Variants in NDRG3 observed in about 807,000 individuals in gnomAD.
NDRG3 encodes protein NDRG3.
A neutral mutation model predicts 57.2 loss-of-function variants in NDRG3; 23 were observed. That is an observed-to-expected ratio of 0.40 (90% CI 0.29 to 0.57). The LOEUF is 0.57. Among genes scored for constraint, NDRG3 ranks in the 20% least tolerant of loss-of-function variants. NDRG3 has a pLI of 0.42. For synonymous variants in NDRG3, 132 were observed against 162.6 expected, an observed-to-expected ratio of 0.81 and a Z score of 1.43; for missense variants, 384 against 457.3, an observed-to-expected ratio of 0.84 and a Z score of 1.46.
chr20:36,699,683 G>T (rs182893283), intron 3 of NDRG3, among the ~76,000 whole-genome samples: 1 of 151,902 alleles, frequency 6.6e-6, no homozygotes, highest in Admixed American at 6.6e-5. Context: ...GGTGGTGGTG[G>T]TGGTGGTAGG....
At chr20:36,728,908 G>A (rs1355351939) in intron 1 of NDRG3, among the ~76,000 whole-genome samples, 3 of 152,038 alleles carry the variant, frequency 2.0e-5, no homozygotes, top group Admixed American at 2.0e-4. Flanking sequence ...TTTTAGTAGA[G>A]ACAAGGTTTC....
chr20:36,733,152 A>AG, intron 1 of NDRG3, among the ~76,000 whole-genome samples: 1 of 37,562 alleles, frequency 2.7e-5, no homozygotes, highest in Non-Finnish European at 4.9e-5. Context: ...GTCTCAAAAA[A>AG]AAAAAAAAAA....
In NDRG3 at chr20:36,667,190, A is replaced by G. The variant is rs151247850; in HGVS notation, c.589-798T>C. On this transcript the variant is annotated intron_variant, in intron 9 of 15. Coordinates refer to ENST00000349004, the MANE Select transcript of NDRG3 (RefSeq NM_032013.4). ...CTATCTATATATACCACCATTTAATATTACACATTGTATAATTATATATTC... is the reference window on the plus strand; with the variant it reads ...CTATCTATATATACCACCATTTAATGTTACACATTGTATAATTATATATTC... Among the ~76,000 whole-genome samples, 291 of 152,304 alleles carry G rather than the reference A, an allele frequency of 1.9e-3. 2 individuals are homozygous for G. The highest frequency in any genetic ancestry group is 6.6e-3 in the African/African-American group (274 of 41,560).
At chr20:36,705,579 G>A (rs928984692) in intron 3 of NDRG3, among the ~76,000 whole-genome samples, 7 of 152,094 alleles carry the variant, frequency 4.6e-5, no homozygotes, top group African/African-American at 1.4e-4. Flanking sequence ...CTGGAAGCAA[G>A]GACGTTGCCA....
intron 2 of NDRG3, among the ~76,000 whole-genome samples, chr20:36,715,399 C>T (rs1984213337): frequency 6.6e-6 from 1 of 151,712 alleles, no homozygotes; most frequent in South Asian, 2.1e-4. Context: ...TTAAGGGACA[C>T]CCACTCTAGT....
chr20:36,690,443 C>G (rs1165969222), intron 3 of NDRG3, among the ~76,000 whole-genome samples: 2 of 122,846 alleles, frequency 1.6e-5, no homozygotes, highest in South Asian at 2.8e-4. Context: ...CTGAGGAACC[C>G]AATAGAGCAG....
In NDRG3 at chr20:36,658,954, G is replaced by GT. The variant is rs58306169; in HGVS notation, c.858+1382dup. Among the ~76,000 whole-genome samples the GT allele has an allele frequency of 0.023, 3,093 of 132,342 alleles. 161 individuals carry two copies. In the East Asian group the frequency reaches 0.24, roughly 10 times the overall value. 86.8% of individuals were successfully genotyped at this position (132,342 alleles called of 152,430 possible). A position where few individuals can be genotyped will look rare whatever the true frequency, so the allele number is the denominator to read the frequency against. On this transcript the variant is annotated intron_variant, in intron 13 of 15. Transcript: ENST00000349004. ...CACAATATTAAATCATGTTGACGAA[G>GT]TTTTTTTTTTTTTTTTTTTAGAGAC...
intron 3 of NDRG3, among the ~76,000 whole-genome samples, chr20:36,704,436 C>T (rs1983429563): frequency 6.6e-6 from 1 of 152,142 alleles, no homozygotes; most frequent in African/African-American, 2.4e-5. Context: ...TACTTCTACA[C>T]TTTGGGGCAG....
intron 2 of NDRG3, among the ~76,000 whole-genome samples, chr20:36,714,591 T>C (rs977461878): frequency 6.7e-6 from 1 of 150,012 alleles, no homozygotes; most frequent in African/African-American, 2.5e-5. Context: ...TGTGCCATCA[T>C]GCCTGGCTAA....
chr20:36,707,131 G>T, intron 2 of NDRG3, 124 bp from the exon 3 acceptor site: 1 of 835,354 alleles, frequency 1.2e-6, no homozygotes, highest in Non-Finnish European at 2.0e-6. Flanking sequence ...AACTGAAATA[G>T]TTCTCATCAG....
At chr20:36,697,963 CTT>C (rs1026025529) in intron 3 of NDRG3, among the ~76,000 whole-genome samples, 5 of 123,058 alleles carry the variant, frequency 4.1e-5, no homozygotes, top group Non-Finnish European at 6.9e-5. Context: ...TTTCTTTTTT[CTT>C]TTTTTTTTTT....
chr20:36,700,358 A>G (rs1055353526), intron 3 of NDRG3: 2 of 432,678 alleles, frequency 4.6e-6, no homozygotes, highest in African/African-American at 2.0e-5. Flanking sequence ...TCAATGTCTC[A>G]AAGTTCTTCA....
intron 1 of NDRG3, among the ~76,000 whole-genome samples, chr20:36,733,160 AAAAAAAAAAAAAT>A (rs1468800129): frequency 8.0e-4 from 44 of 54,672 alleles, no homozygotes; most frequent in African/African-American, 4.4e-3. Flanking sequence ...AAAAAAAAAA[AAAAAAAAAAAAAT>A]ATATATATAT....
intron 8 of NDRG3, among the ~76,000 whole-genome samples, chr20:36,678,709 A>G (rs192640066): frequency 1.3e-3 from 205 of 152,354 alleles, no homozygotes; most frequent in Admixed American, 3.1e-3. Flanking sequence ...TTATCTATCT[A>G]TAAGCATAGC....
intron 9 of NDRG3, among the ~76,000 whole-genome samples, chr20:36,667,510 A>T (rs1274240333): frequency 6.6e-6 from 1 of 152,184 alleles, no homozygotes; most frequent in East Asian, 1.9e-4. Flanking sequence ...TGGTCTATGC[A>T]GTGAAAAGTC....
intron 1 of NDRG3, among the ~76,000 whole-genome samples, chr20:36,731,160 G>A (rs985419878): frequency 6.6e-6 from 1 of 152,158 alleles, no homozygotes; most frequent in African/African-American, 2.4e-5. Flanking sequence ...GAGAATGAGT[G>A]AGGTAAGCCT....
At chr20:36,658,818 G>C (rs1392258907) in intron 13 of NDRG3, among the ~76,000 whole-genome samples, 1 of 152,128 alleles carries the variant, frequency 6.6e-6, no homozygotes, top group Non-Finnish European at 1.5e-5. Context: ...GTCTGTATTT[G>C]CCCTAAGAGA....
intron 7 of NDRG3, among the ~76,000 whole-genome samples, chr20:36,681,842 C>T (rs915750647): frequency 5.9e-5 from 9 of 151,776 alleles, no homozygotes; most frequent in African/African-American, 2.2e-4. Flanking sequence ...GGATTACAGG[C>T]ACCTACCACC....
chr20:36,653,745 A>G lies in NDRG3; in HGVS notation c.947-44T>C. Reference sequence around the variant, plus strand: ...GGGACTAGAAGATGAAGCCCCGGTTAAGCCCAGCTAACCTAGGAGTCTCAT... The same window carrying G: ...GGGACTAGAAGATGAAGCCCCGGTTGAGCCCAGCTAACCTAGGAGTCTCAT... On this transcript the variant is annotated intron_variant, in intron 15 of 15. Transcript: ENST00000349004. The surrounding 1 kb of genome is among the most constrained non-coding windows in gnomAD (Gnocchi z 4.2). 2 of 1,573,294 alleles carry G rather than the reference A, an allele frequency of 1.3e-6. No homozygotes were observed. The highest frequency in any genetic ancestry group is 1.7e-6 in the Non-Finnish European group (2 of 1,154,706).
Sources: gnomAD v4.1 joint callset for allele counts (sites outside exome capture counted in the v4.1 genomes callset) on GRCh38, gnomAD v4.1.1 for gene constraint, Gnocchi (gnomAD v3.1) non-coding constraint, MANE v1.5 for transcripts, NCBI Gene and HGNC (gene_info 2026-07-23, HGNC 2026-07-21) for gene names.